Variants in FGD6 observed in about 807,000 individuals in gnomAD.
FGD6 encodes the protein FYVE, RhoGEF and PH domain containing 6, also known as FYVE, RhoGEF and PH domain-containing protein 6.
Under a neutral mutation model 149.4 loss-of-function variants are expected in FGD6, and 90 were observed. That is an observed-to-expected ratio of 0.60 (90% CI 0.51 to 0.72). FGD6 has a LOEUF of 0.72. FGD6 is among the 30% of genes least tolerant of loss of function. FGD6 has a pLI of 0.00. For synonymous variants in FGD6, 527 were observed against 584.0 expected (o/e 0.90, Z 1.41); for missense variants, 1,437 against 1,684.8 (o/e 0.85, Z 2.57).
intron 5 of FGD6, among the ~76,000 whole-genome samples, chr12:95,150,893 G>A (rs771686179): frequency 1.3e-5 from 2 of 152,048 alleles, no homozygotes; most frequent in East Asian, 1.9e-4. Flanking sequence ...TCAGGAGTTC[G>A]AGACCAGCCT....
chr12:95,167,494 T>G (rs1373623389), intron 3 of FGD6, among the ~76,000 whole-genome samples: 1 of 152,184 alleles, frequency 6.6e-6, no homozygotes, highest in East Asian at 1.9e-4. Flanking sequence ...GAACACCTTT[T>G]TACATCTTTA....
intron 9 of FGD6, among the ~76,000 whole-genome samples, chr12:95,111,266 C>T (rs1353246552): frequency 6.6e-6 from 1 of 152,282 alleles, no homozygotes; most frequent in South Asian, 2.1e-4. Flanking sequence ...TAGGCATGAG[C>T]CACCACGCCC....
chr12:95,134,652 G>C, intron 8 of FGD6, 87 bp downstream of exon 8: 1 of 1,157,152 alleles, frequency 8.6e-7, no homozygotes. Flanking sequence ...GATATACAAA[G>C]AGAGGCACCC....
chr12:95,184,830 G>A (rs992466864), intron 2 of FGD6, among the ~76,000 whole-genome samples: 22 of 152,046 alleles, frequency 1.4e-4, no homozygotes, highest in African/African-American at 4.3e-4. Flanking sequence ...TGATTTGCCC[G>A]CCTTGGCCTC....
chr12:95,112,703 C>A (rs1432133400), intron 9 of FGD6, among the ~76,000 whole-genome samples: 1 of 152,136 alleles, frequency 6.6e-6, no homozygotes, highest in East Asian at 1.9e-4. Context: ...GTGTGTGTAT[C>A]TGCGAGAGAG....
At chr12:95,214,800 A>G (rs2056745304) in intron 1 of FGD6, among the ~76,000 whole-genome samples, 1 of 152,098 alleles carries the variant, frequency 6.6e-6, no homozygotes, top group Non-Finnish European at 1.5e-5. Context: ...AGTGACCTGT[A>G]CATGTTCAAA....
chr12:95,091,646 G>A (rs1878057071), intron 17 of FGD6, 61 bp downstream of exon 17: 1 of 1,143,400 alleles, frequency 8.7e-7, no homozygotes, highest in African/African-American at 1.5e-5. Flanking sequence ...CTCTCAGAAG[G>A]TTGTTTGAAA....
intron 5 of FGD6, among the ~76,000 whole-genome samples, chr12:95,147,823 TAGAG>T (rs1469450499): frequency 2.6e-5 from 4 of 152,104 alleles, no homozygotes; most frequent in Non-Finnish European, 5.9e-5. Flanking sequence ...GCAAGGAACA[TAGAG>T]AGCACTTAAT....
At chr12:95,207,053 C>T (rs1388382980) in intron 2 of FGD6, among the ~76,000 whole-genome samples, 1 of 149,896 alleles carries the variant, frequency 6.7e-6, no homozygotes, top group African/African-American at 2.5e-5. Context: ...ACCCAAATTT[C>T]ACCTTGAATT....
chr12:95,163,795 G>A (rs1363730531), intron 3 of FGD6, among the ~76,000 whole-genome samples: 3 of 152,110 alleles, frequency 2.0e-5, no homozygotes, highest in Non-Finnish European at 4.4e-5. Flanking sequence ...AACCAGGAAA[G>A]CTACAGAGCT....
At chr12:95,115,744 T>C (rs778409724) in intron 8 of FGD6, among the ~76,000 whole-genome samples, 5 of 152,186 alleles carry the variant, frequency 3.3e-5, no homozygotes, top group Non-Finnish European at 5.9e-5. Context: ...TATGACATCA[T>C]GCTCAGAGGA....
chr12:95,122,273 T>C (rs565771313), intron 8 of FGD6, among the ~76,000 whole-genome samples: 3 of 152,346 alleles, frequency 2.0e-5, no homozygotes, highest in East Asian at 3.9e-4. Flanking sequence ...TATCATTTTA[T>C]GCACAAATGC....
chr12:95,209,604 C>T lies in FGD6; in HGVS notation c.1680G>A (p.Arg560=), dbSNP rs769395285. 9 of 1,613,564 alleles carry T rather than the reference C, an allele frequency of 5.6e-6. No homozygotes were observed. In the East Asian group the frequency reaches 1.3e-4, roughly 24 times the overall value. ...ACTTCCACACTGGCTTTTCTGAAGC[C>T]CGTTTAGGCATATCAAAGGAGGATG... is the stretch of plus-strand genomic sequence containing the variant. The part of the protein sequence containing the change: ...GVSSSFDMPK[R]ASEKPVWKLP... The change falls in exon 2 of 21, where the codon CGG becomes CGA. Residue 560 remains arginine, a synonymous_variant. Transcript: ENST00000343958.
intron 5 of FGD6, among the ~76,000 whole-genome samples, chr12:95,146,034 G>A (rs1246230780): frequency 2.0e-5 from 3 of 152,084 alleles, no homozygotes; most frequent in African/African-American, 4.8e-5. Flanking sequence ...GCTTCAACAA[G>A]TGTCACTGAA....
intron 2 of FGD6, among the ~76,000 whole-genome samples, chr12:95,184,765 T>G (rs1881379414): frequency 6.6e-6 from 1 of 152,062 alleles, no homozygotes; most frequent in East Asian, 1.9e-4. Context: ...ATATTTTTAG[T>G]GGAGATGGGG....
intron 3 of FGD6, among the ~76,000 whole-genome samples, chr12:95,167,244 G>A (rs925975274): frequency 2.0e-5 from 3 of 152,098 alleles, no homozygotes; most frequent in South Asian, 2.1e-4. Flanking sequence ...TATCTCTTGG[G>A]TGGATACCTA....
chr12:95,094,769 A>G (rs1878183893), intron 14 of FGD6, 75 bp from the exon 15 acceptor site: 3 of 1,057,260 alleles, frequency 2.8e-6, no homozygotes, highest in African/African-American at 3.1e-5. Context: ...TCTTTCTCCC[A>G]TGGCAACAGA....
At chr12:95,170,031 G>T (rs1014616936) in intron 3 of FGD6, among the ~76,000 whole-genome samples, 3 of 152,162 alleles carry the variant, frequency 2.0e-5, no homozygotes, top group Admixed American at 6.5e-5. Flanking sequence ...TGAGGCAGGA[G>T]AATCGCTTGA....
intron 2 of FGD6, among the ~76,000 whole-genome samples, chr12:95,194,590 G>C (rs1348479844): frequency 1.3e-5 from 2 of 151,730 alleles, no homozygotes; most frequent in Non-Finnish European, 2.9e-5. Flanking sequence ...GGTTGCCAGG[G>C]GTTGACGGGA....
Sources: gnomAD v4.1 joint callset for allele counts (sites outside exome capture counted in the v4.1 genomes callset) on GRCh38, gnomAD v4.1.1 for gene constraint, MANE v1.5 for transcripts, NCBI Gene and HGNC (gene_info 2026-07-23, HGNC 2026-07-21) for gene names.